PTPRQ: variants seen among roughly 807,000 people sequenced by gnomAD.
PTPRQ encodes the protein phosphatidylinositol phosphatase PTPRQ.
In PTPRQ, 199 loss-of-function variants were observed where a neutral mutation model predicts 246.0. The ratio of observed to expected loss-of-function variants is 0.81; its 90% CI spans 0.72 to 0.91. PTPRQ has a LOEUF of 0.91. Ranked by LOEUF, PTPRQ falls within the 40% of genes least tolerant of loss-of-function variation. The probability of loss-of-function intolerance (pLI) is 0.00; values close to 1 mark genes in which losing one functional copy is unlikely to be tolerated. For missense variants in PTPRQ, 2,624 were observed against 2,528.4 expected, an observed-to-expected ratio of 1.04 and a Z score of -0.81; for synonymous variants, 869 against 853.2, an observed-to-expected ratio of 1.02 and a Z score of -0.32.
chr12:80,669,896 T>C (rs995801181), intron 41 of PTPRQ, among the ~76,000 whole-genome samples: 1 of 152,088 alleles, frequency 6.6e-6, no homozygotes, highest in Non-Finnish European at 1.5e-5. Context: ...CTTTATGAGA[T>C]CTTTATGGGA....
At chr12:80,635,998 T>C (rs1283264130) in intron 35 of PTPRQ, among the ~76,000 whole-genome samples, 2 of 152,224 alleles carry the variant, frequency 1.3e-5, no homozygotes, top group Admixed American at 6.5e-5. Flanking sequence ...ATCTAATAGA[T>C]GGACTTTGCA....
At chr12:80,508,147 A>G (rs1895020321) in intron 16 of PTPRQ, among the ~76,000 whole-genome samples, 1 of 151,972 alleles carries the variant, frequency 6.6e-6, no homozygotes. Flanking sequence ...GTTCCATCTA[A>G]ATTCTTGGCC....
chr12:80,579,628 A>G (rs1241082575), intron 25 of PTPRQ, among the ~76,000 whole-genome samples: 4 of 152,184 alleles, frequency 2.6e-5, no homozygotes, highest in African/African-American at 7.2e-5. Context: ...TGAATGTTCA[A>G]TAAATGCTAT....
At chr12:80,530,112 C>A (rs975500571) in intron 17 of PTPRQ, among the ~76,000 whole-genome samples, 1 of 152,146 alleles carries the variant, frequency 6.6e-6, no homozygotes, top group African/African-American at 2.4e-5. Flanking sequence ...TCCCTCAACT[C>A]CCTATCCTAC....
chr12:80,564,064 G>T (rs1177689801), intron 25 of PTPRQ, among the ~76,000 whole-genome samples: 1 of 151,878 alleles, frequency 6.6e-6, no homozygotes, highest in South Asian at 2.1e-4. Flanking sequence ...TTTTTAGCTA[G>T]AGAGAGCAGA....
chr12:80,459,208 G>A (rs1360786336), intron 4 of PTPRQ, 76 bp from the exon 5 acceptor site: 1 of 396,780 alleles, frequency 2.5e-6, no homozygotes, highest in African/African-American at 2.1e-5. Context: ...TTAATTTCAT[G>A]TACCATGAAA....
chr12:80,648,964 A>C, intron 36 of PTPRQ, 41 bp downstream of exon 36: 2 of 1,488,088 alleles, frequency 1.3e-6, no homozygotes, highest in South Asian at 2.7e-5. Context: ...TTTGAATATC[A>C]AAGTTAGATG....
At chr12:80,566,794 C>T (rs1236656977) in intron 25 of PTPRQ, among the ~76,000 whole-genome samples, 2 of 152,144 alleles carry the variant, frequency 1.3e-5, no homozygotes, top group Non-Finnish European at 2.9e-5. Flanking sequence ...CCTGCCTTGG[C>T]CTCACAAAAT....
At chr12:80,595,643 C>T (rs571506913) in intron 26 of PTPRQ, among the ~76,000 whole-genome samples, 1 of 151,662 alleles carries the variant, frequency 6.6e-6, no homozygotes, top group Non-Finnish European at 1.5e-5. Flanking sequence ...TATACATGTG[C>T]CATGCTGGTG....
At chr12:80,638,584 T>G (rs942447963) in intron 35 of PTPRQ, among the ~76,000 whole-genome samples, 8 of 152,212 alleles carry the variant, frequency 5.3e-5, no homozygotes, top group African/African-American at 1.9e-4. Context: ...TTATACTCTC[T>G]GCCTGTATAT....
At chr12:80,503,123 C>A (rs1056433888) in intron 14 of PTPRQ, among the ~76,000 whole-genome samples, 4 of 151,836 alleles carry the variant, frequency 2.6e-5, no homozygotes, top group African/African-American at 7.2e-5. Flanking sequence ...AACTCCTACA[C>A]CCTATCGTTA....
chr12:80,537,905 C>T (rs1019524391), intron 19 of PTPRQ, among the ~76,000 whole-genome samples: 107 of 151,992 alleles, frequency 7.0e-4, no homozygotes, highest in African/African-American at 2.5e-3. Flanking sequence ...GTCAGGAGAT[C>T]GAGACCATCC....
rs183872366 is a variant in PTPRQ at position 80,468,964 on chromosome 12, G to C, written c.1039+126G>C. ...GACTCTAAGATTGAAGCAAACAATA[G>C]GAAAGTCATAAGGAAGGGGAGGTCC... On this transcript the variant is annotated intron_variant, in intron 7 of 44. Transcript: ENST00000644991. 2.3e-6 allele frequency: 3 copies of C among 1,327,210 alleles called. No individual in the cohort carries two copies. In the East Asian group the frequency reaches 8.5e-5, roughly 38 times the overall value. The allele number at this position is 1,327,210 out of a possible 1,614,324, so 82.2% of individuals were successfully genotyped here.
intron 25 of PTPRQ, among the ~76,000 whole-genome samples, chr12:80,571,223 C>A (rs964960071): frequency 6.6e-6 from 1 of 152,186 alleles, no homozygotes; most frequent in Admixed American, 6.5e-5. Context: ...TGGCTCACTG[C>A]AACCTCTGCC....
At chr12:80,509,668 A>C (rs1403949214) in intron 16 of PTPRQ, among the ~76,000 whole-genome samples, 1 of 152,128 alleles carries the variant, frequency 6.6e-6, no homozygotes, top group Non-Finnish European at 1.5e-5. Flanking sequence ...ATTCAATGCC[A>C]AATAGCAAAT....
chr12:80,543,557 TC>T (rs752333025), intron 23 of PTPRQ, among the ~76,000 whole-genome samples: 47 of 152,180 alleles, frequency 3.1e-4, no homozygotes, highest in Non-Finnish European at 5.7e-4. Flanking sequence ...GCAAATGAAG[TC>T]CTGGAATGTT....
intron 25 of PTPRQ, among the ~76,000 whole-genome samples, chr12:80,577,187 C>G (rs999034251): frequency 3.3e-5 from 5 of 152,216 alleles, no homozygotes; most frequent in African/African-American, 1.2e-4. Flanking sequence ...TGTTCTCACA[C>G]TGCTATGAAG....
chr12:80,634,775 T>C, intron 34 of PTPRQ, 170 bp from the exon 35 acceptor site: 1 of 962,894 alleles, frequency 1.0e-6, no homozygotes, highest in Non-Finnish European at 1.4e-6. Flanking sequence ...TTCTATGGAA[T>C]TAAAACAAGA....
rs372647668 is a variant in PTPRQ at position 80,514,373 on chromosome 12, T to TAC, written c.2678+3959_2678+3960dup. Among the ~76,000 whole-genome samples, 41 of 112,176 alleles carry TAC rather than the reference T, an allele frequency of 3.7e-4. 1 individual carries two copies. Among genetic ancestry groups the TAC allele is most frequent in the Admixed American group, 2.3e-3 (22 of 9,572 alleles). The allele number at this position is 112,176 out of a possible 152,430, so 73.6% of individuals were successfully genotyped here. On this transcript the variant is annotated intron_variant, in intron 17 of 44. Transcript: ENST00000644991. ...CCCTCAGTAAAACTTGGCTTTATTT[T>TAC]ACACACACACACACACACACACACA... is the stretch of plus-strand genomic sequence containing the variant.
Sources: gnomAD v4.1 joint callset for allele counts (sites outside exome capture counted in the v4.1 genomes callset) on GRCh38, gnomAD v4.1.1 for gene constraint, MANE v1.5 for transcripts, NCBI Gene and HGNC (gene_info 2026-07-23, HGNC 2026-07-21) for gene names.